The following NPAS3 variants were observed in gnomAD, a reference collection of about 807,000 sequenced individuals.
NPAS3 encodes the protein neuronal PAS domain protein 3.
NPAS3 carries 14 observed loss-of-function variants against 73.1 expected under a neutral mutation model. That is an observed-to-expected ratio of 0.19 (90% CI 0.13 to 0.30). NPAS3 has a LOEUF of 0.30. Among genes scored for constraint, NPAS3 ranks in the 10% least tolerant of loss-of-function variants. NPAS3 has a pLI of 1.00. For synonymous variants in NPAS3, 620 were observed against 541.5 expected, an observed-to-expected ratio of 1.14 and a Z score of -2.01; for missense variants, 1,096 against 1,250.0, an observed-to-expected ratio of 0.88 and a Z score of 1.86.
chr14:33,637,712 G>A (rs2058562530), intron 5 of NPAS3, among the ~76,000 whole-genome samples: 1 of 151,864 alleles, frequency 6.6e-6, no homozygotes. Context: ...TCTTACTTTT[G>A]TACTCATGAA....
intron 9 of NPAS3, among the ~76,000 whole-genome samples, chr14:33,781,791 C>A (rs1412068334): frequency 6.6e-6 from 1 of 152,168 alleles, no homozygotes; most frequent in Non-Finnish European, 1.5e-5. Context: ...TCTTTGATAA[C>A]TAAAAATACT....
intron 2 of NPAS3, among the ~76,000 whole-genome samples, chr14:33,148,074 C>T (rs532205906): frequency 7.9e-5 from 12 of 152,114 alleles, no homozygotes; most frequent in East Asian, 3.9e-4. Flanking sequence ...TTATTAATTT[C>T]GTGCCCTTGC....
intron 1 of NPAS3, among the ~76,000 whole-genome samples, chr14:33,026,563 T>C (rs2039809611): frequency 6.6e-6 from 1 of 152,014 alleles, no homozygotes; most frequent in Non-Finnish European, 1.5e-5. Context: ...CTCTGTTCAC[T>C]GTGTTCTTCT....
At chr14:32,998,026 G>A (rs2038654447) in intron 1 of NPAS3, among the ~76,000 whole-genome samples, 1 of 152,088 alleles carries the variant, frequency 6.6e-6, no homozygotes, top group Admixed American at 6.5e-5. Flanking sequence ...CCACTTCTTG[G>A]TATATACCCG....
intron 5 of NPAS3, among the ~76,000 whole-genome samples, chr14:33,609,860 A>T (rs1457160495): frequency 6.6e-6 from 1 of 152,152 alleles, no homozygotes; most frequent in South Asian, 2.1e-4. Context: ...CGCAAGCATC[A>T]TCCCCCAGAT....
chr14:33,033,012 G>T (rs2040045658), intron 1 of NPAS3, among the ~76,000 whole-genome samples: 1 of 152,134 alleles, frequency 6.6e-6, no homozygotes, highest in East Asian at 1.9e-4. Context: ...CTTGCCTATA[G>T]TCTCTAGATA....
intron 4 of NPAS3, among the ~76,000 whole-genome samples, chr14:33,485,142 G>C (rs1452051744): frequency 1.3e-5 from 2 of 152,058 alleles, no homozygotes; most frequent in Admixed American, 1.3e-4. Context: ...TGTATAGACG[G>C]TTTCTCCTTT....
chr14:33,352,619 A>G (rs969111918), intron 3 of NPAS3, among the ~76,000 whole-genome samples: 1 of 152,146 alleles, frequency 6.6e-6, no homozygotes, highest in Non-Finnish European at 1.5e-5. Context: ...ACTCCCAACA[A>G]TTGTGCTTTT....
At chr14:33,465,512 T>C (rs1566927461) in intron 4 of NPAS3, among the ~76,000 whole-genome samples, 1 of 152,236 alleles carries the variant, frequency 6.6e-6, no homozygotes, top group African/African-American at 2.4e-5. Context: ...CTAGCTTTGG[T>C]TGAGCACTTA....
At chr14:33,295,684 G>T (rs758653637) in intron 3 of NPAS3, among the ~76,000 whole-genome samples, 4 of 152,206 alleles carry the variant, frequency 2.6e-5, no homozygotes, top group Non-Finnish European at 4.4e-5. Flanking sequence ...TTTTAATTAG[G>T]ATACTTATGT....
At chr14:33,766,737 T>C (rs139199860) in intron 7 of NPAS3, among the ~76,000 whole-genome samples, 1 of 152,154 alleles carries the variant, frequency 6.6e-6, no homozygotes, top group Non-Finnish European at 1.5e-5. Flanking sequence ...ACTTCCTGAG[T>C]TGATAGCCAT....
At chr14:33,487,531 C>T (rs1210393366) in intron 4 of NPAS3, among the ~76,000 whole-genome samples, 2 of 152,144 alleles carry the variant, frequency 1.3e-5, no homozygotes, top group African/African-American at 2.4e-5. Flanking sequence ...AATATCTTTG[C>T]TAGAGCAAAT....
intron 1 of NPAS3, among the ~76,000 whole-genome samples, chr14:32,997,316 G>C (rs1024030405): frequency 1.3e-5 from 2 of 152,174 alleles, no homozygotes; most frequent in East Asian, 3.9e-4. Flanking sequence ...TTGGACTGTG[G>C]ACTTTTGAGT....
At chr14:33,144,205 C>G (rs1402715305) in intron 2 of NPAS3, among the ~76,000 whole-genome samples, 1 of 152,012 alleles carries the variant, frequency 6.6e-6, no homozygotes, top group Non-Finnish European at 1.5e-5. Context: ...ATGTGCTTGC[C>G]AATACTTATT....
chr14:33,116,948 T>G (rs1385199284), intron 2 of NPAS3, among the ~76,000 whole-genome samples: 1 of 152,118 alleles, frequency 6.6e-6, no homozygotes, highest in Admixed American at 6.6e-5. Context: ...TAATAAATAT[T>G]GATTTTTAGA....
intron 4 of NPAS3, among the ~76,000 whole-genome samples, chr14:33,386,602 G>A (rs1045014088): frequency 2.6e-5 from 4 of 151,848 alleles, no homozygotes; most frequent in East Asian, 1.9e-4. Context: ...AGAAAGATTC[G>A]TGATGTTTGT....
intron 1 of NPAS3, among the ~76,000 whole-genome samples, chr14:33,008,565 A>C (rs1047669675): frequency 6.6e-6 from 1 of 152,232 alleles, no homozygotes; most frequent in African/African-American, 2.4e-5. Flanking sequence ...CGTACACAAA[A>C]GCTAGACAGA....
chr14:33,632,947 C>T (rs544578923), intron 5 of NPAS3, among the ~76,000 whole-genome samples: 188 of 152,242 alleles, frequency 1.2e-3, no homozygotes, highest in Non-Finnish European at 2.2e-3. Flanking sequence ...TGCTGAAGAA[C>T]ACAGTCAGCC....
chr14:33,072,536 T>G lies in NPAS3; in HGVS notation c.140+16542T>G, dbSNP rs185606435. Reference sequence around the variant, plus strand: ...TAAAGAACAGCGTGGGCTACTGTCCTTGCCTCTTTCCCTAGGGAACCCAGG... The same window carrying G: ...TAAAGAACAGCGTGGGCTACTGTCCGTGCCTCTTTCCCTAGGGAACCCAGG... On this transcript the variant is annotated intron_variant, in intron 2 of 11. Transcript: ENST00000356141. 6.4e-3 allele frequency among the ~76,000 whole-genome samples: 973 copies of G among 152,306 alleles called. 22 individuals are homozygous for G. Among genetic ancestry groups the G allele is most frequent in the Middle Eastern group, 0.014 (4 of 294 alleles).
Sources: allele counts gnomAD v4.1 joint callset (sites outside exome capture counted in the v4.1 genomes callset), GRCh38; gene constraint gnomAD v4.1.1; transcripts MANE v1.5; gene names NCBI Gene and HGNC (gene_info 2026-07-23, HGNC 2026-07-21).